TSPOAP1: variants seen among roughly 807,000 people sequenced by gnomAD.
TSPOAP1 encodes the protein peripheral-type benzodiazepine receptor-associated protein 1.
TSPOAP1 carries 87 observed loss-of-function variants against 197.0 expected under a neutral mutation model. That is an observed-to-expected ratio of 0.44 (90% CI 0.37 to 0.53). The LOEUF is 0.53. TSPOAP1 is among the 20% of genes least tolerant of loss of function. The probability of loss-of-function intolerance (pLI) is 0.00; values close to 1 mark genes in which losing one functional copy is unlikely to be tolerated. For synonymous variants in TSPOAP1, 913 were observed against 998.9 expected, an observed-to-expected ratio of 0.91 and a Z score of 1.62; for missense variants, 2,174 against 2,411.3, an observed-to-expected ratio of 0.90 and a Z score of 2.06.
rs1326899974 is a variant in TSPOAP1, at chr17:58,326,295, C to T, written c.568G>A (p.Val190Met). The change falls in exon 3 of 32, where the codon GTG (valine) becomes ATG (methionine). Residue 190 changes from valine to methionine, a missense_variant and splice_region_variant. Transcript: ENST00000343736. This position sits in a 1 kb window ranked among gnomAD's most constrained non-coding sequence, Gnocchi z 4.7. ...ARKLQETNLR[V>M]VSAPLPRPGT... ...GCCCAGCAGCCTCCTTTCCTCACCA[C>T]CCTCAGGTTCGTTTCCTGCAGCTTT... 2 of 1,614,032 alleles carry T rather than the reference C, an allele frequency of 1.2e-6. No homozygotes were observed. The highest frequency in any genetic ancestry group is 2.2e-5 in the East Asian group (1 of 44,882).
intron 14 of TSPOAP1, among the ~76,000 whole-genome samples, chr17:58,317,810 C>A (rs1393071167): frequency 6.6e-6 from 1 of 152,234 alleles, no homozygotes. Flanking sequence ...ACTCTCACAA[C>A]AACCTTAGAA....
rs776098387 is a variant in TSPOAP1, at chr17:58,304,266, G to T, written c.*32+72C>A. The T allele has an allele frequency of 3.0e-6, 4 of 1,343,220 alleles. No homozygotes were observed. Among genetic ancestry groups the T allele is most frequent in the Non-Finnish European group, 4.2e-6 (4 of 944,946 alleles). The allele number at this position is 1,343,220 out of a possible 1,614,324, so 83.2% of individuals were successfully genotyped here. On this transcript the variant is annotated intron_variant, in intron 31 of 31. Transcript: ENST00000343736. This position sits in a 1 kb window ranked among gnomAD's most constrained non-coding sequence, Gnocchi z 4.2. ...AAGCTGGGTCAGCTCCAGTATTTGA[G>T]ACAAAGGAGCACTGTCTGATTATGG...
rs767333570 is a variant in TSPOAP1, at chr17:58,310,573, G to A, written c.3638C>T (p.Ala1213Val). The change falls in exon 20 of 32, where the codon GCG becomes GTG. Residue 1213 changes from alanine to valine, a missense_variant. Physicochemically the swap from Ala to Val is moderately conservative, Grantham distance 64. Around this residue, in one of 5 missense-constraint regions of TSPOAP1, gnomAD observed 1,933 missense variants for 2,139.0 expected, o/e 0.90. Transcript: ENST00000343736. ...SSTQGARAQQ[A>V]PNTEMCQGGD... is the part of the protein sequence containing the mutation. ...TCCTTGGCACATCTCGGTATTTGGC[G>A]CCTGCTGGGCCCGTGCTCCCTGGGT... The A allele has an allele frequency of 1.3e-5, 21 of 1,613,312 alleles. No individual in the cohort carries two copies. The East Asian group carries it at 2.2e-4, about 17-fold the overall frequency.
Position 58,327,915 on chromosome 17 carries a change from C to T in TSPOAP1, c.6G>A (p.Glu2=), listed in dbSNP as rs1470416301. Residue 2 remains glutamate, a synonymous_variant, in exon 1 of 32, where the codon GAG becomes GAA. Transcript: ENST00000343736. ...CAGGCCGTGGGAGGGTTGTCAGTTG[C>T]TCCATGGTACTGCCAAGGGGCCCCA... M[E]QLTTLPRPGD... 1.3e-5 allele frequency: 20 copies of T among 1,594,776 alleles called. No homozygotes were observed. The highest frequency in any genetic ancestry group is 1.7e-5 in the Non-Finnish European group (20 of 1,166,800).
intron 5 of TSPOAP1, among the ~76,000 whole-genome samples, chr17:58,323,959 G>T (rs1268733953): frequency 6.6e-6 from 1 of 152,140 alleles, no homozygotes; most frequent in East Asian, 1.9e-4. Flanking sequence ...CCAAGATAGG[G>T]GTTCTGTATC....
rs772216489 is a variant in TSPOAP1 at position 58,316,003 on chromosome 17, A to AC, written c.2098+19dup. On this transcript the variant is annotated intron_variant, in intron 16 of 31. Transcript: ENST00000343736. The stretch of plus-strand genomic sequence containing the variant: ...CAAAGGCAGGGGAATGGACAGAATG[A>AC]CCCCCCACTACATTCCTACCTTCAA... 9 of 1,570,220 alleles carry AC rather than the reference A, an allele frequency of 5.7e-6. No homozygotes were observed. Among genetic ancestry groups the AC allele is most frequent in the African/African-American group, 1.4e-5 (1 of 73,478 alleles).
rs1333119451 is a variant in TSPOAP1, at chr17:58,306,357, G to A, written c.5209C>T (p.Arg1737Cys). 12 of 1,554,216 alleles carry A rather than the reference G, an allele frequency of 7.7e-6. No individual in the cohort carries two copies. The highest frequency in any genetic ancestry group is 7.8e-6 in the Non-Finnish European group (9 of 1,148,286). Residue 1737 changes from arginine to cysteine, a missense_variant, in exon 26 of 32, where the codon CGC (arginine) becomes TGC (cysteine). This residue lies in a region of TSPOAP1 where 161 missense variants were observed against 159.1 expected (regional missense o/e 1.01). Coordinates refer to ENST00000343736, the MANE Select transcript of TSPOAP1 (RefSeq NM_004758.4). ...AHTTGPPPKP[R>C]RSKKAESEGP... Reference sequence around the variant, plus strand: ...TCTTACCCACCTTTCTTGGAGCGGCGGGGCTTGGGAGGAGGCCCAGTTGTG... The same window carrying A: ...TCTTACCCACCTTTCTTGGAGCGGCAGGGCTTGGGAGGAGGCCCAGTTGTG...
At position 58,304,172 on chromosome 17, in the gene TSPOAP1, G is replaced by A; in HGVS notation, c.*32+166C>T. On this transcript the variant is annotated intron_variant, in intron 31 of 31. Transcript: ENST00000343736. The surrounding 1 kb of genome is among the most constrained non-coding windows in gnomAD (Gnocchi z 4.2). Reference sequence around the variant, plus strand: ...AAGGCAAGGGGAGCAGGGAGGGGGAGGGATGACTCTTCATGCAAATCTGGC... The same window carrying A: ...AAGGCAAGGGGAGCAGGGAGGGGGAAGGATGACTCTTCATGCAAATCTGGC... The A allele has an allele frequency of 1.7e-6, 1 of 594,574 alleles. No homozygotes were observed. Among genetic ancestry groups the A allele is most frequent in the South Asian group, 2.0e-5 (1 of 49,382 alleles). The allele number at this position is 594,574 out of a possible 1,614,324, so 36.8% of individuals were successfully genotyped here.
At chr17:58,319,980 G>A in intron 12 of TSPOAP1, 129 bp downstream of exon 12, 1 of 1,254,528 alleles carries the variant, frequency 8.0e-7, no homozygotes, top group Non-Finnish European at 1.2e-6. Flanking sequence ...ACCCCCTATG[G>A]ATTCTCATGC....
chr17:58,304,466 C>T lies in TSPOAP1; in HGVS notation c.5545-67G>A. 7.1e-7 allele frequency: 1 copy of T among 1,401,266 alleles called. No homozygotes were observed. Among genetic ancestry groups the T allele is most frequent in the South Asian group, 1.2e-5 (1 of 86,698 alleles). 86.8% of individuals were successfully genotyped at this position (1,401,266 alleles called of 1,614,324 possible). A position where few individuals can be genotyped will look rare whatever the true frequency, so the allele number is the denominator to read the frequency against. On this transcript the variant is annotated intron_variant, in intron 30 of 31. Transcript: ENST00000343736. The surrounding 1 kb of genome is among the most constrained non-coding windows in gnomAD (Gnocchi z 4.2). The stretch of plus-strand genomic sequence containing the variant: ...ACCCGCACCTTCTCCGCCCGGCCAC[C>T]AGGTGGCCCTGCGCAGGGGTGGGCC...
At position 58,324,770 on chromosome 17, in the gene TSPOAP1, T is replaced by C; in HGVS notation, c.942+41A>G. On this transcript the variant is annotated intron_variant, in intron 5 of 31. Transcript: ENST00000343736. The surrounding 1 kb of genome is among the most constrained non-coding windows in gnomAD (Gnocchi z 5.8). ...TCCCGGTGGTCGTTCCCCCCACCCA[T>C]CTGCACGCACCCACACACCTGCCCT... 7.4e-7 allele frequency: 1 copy of C among 1,360,038 alleles called. No individual in the cohort carries two copies. Among genetic ancestry groups the C allele is most frequent in the Non-Finnish European group, 9.5e-7 (1 of 1,051,768 alleles). The allele number at this position is 1,360,038 out of a possible 1,614,324, so 84.2% of individuals were successfully genotyped here.
Position 58,308,561 on chromosome 17 carries a change from C to A in TSPOAP1, c.4711G>T (p.Ala1571Ser). Residue 1571 changes from alanine to serine, a missense_variant, in exon 22 of 32, where the codon GCC becomes TCC. By Grantham distance (99) the Ala-to-Ser change is moderately conservative. Around this residue, in one of 5 missense-constraint regions of TSPOAP1, gnomAD observed 1,933 missense variants for 2,139.0 expected, o/e 0.90. Transcript: ENST00000343736. Reference sequence around the variant, plus strand: ...CGGACCCGGGAGAGTGGCTCCTTGGCTCTGCCCGTCGCACTGCGGCCTCTC... The same window carrying A: ...CGGACCCGGGAGAGTGGCTCCTTGGATCTGCCCGTCGCACTGCGGCCTCTC... ...ERRGRSATGR[A>S]KEPLSRATET... The A allele has an allele frequency of 6.5e-7, 1 of 1,543,198 alleles. No individual in the cohort carries two copies. Among genetic ancestry groups the A allele is most frequent in the South Asian group, 1.2e-5 (1 of 80,272 alleles).
At position 58,306,898 on chromosome 17, in the gene TSPOAP1, C is replaced by A. The variant is rs1307493237; in HGVS notation, c.5054G>T (p.Cys1685Phe). The A allele has an allele frequency of 6.2e-7, 1 of 1,613,594 alleles. No individual in the cohort carries two copies. The highest frequency in any genetic ancestry group is 1.7e-5 in the Admixed American group (1 of 60,012). ...CACAGCCACCTCAGCCACCATGTTG[C>A]AGGGAATGTAGCCTGTCCGGCCCCC... ...EGGGRTGYIP[C>F]NMVAEVAVDS... Residue 1685 changes from cysteine (C) to phenylalanine (F), a missense_variant, in exon 25 of 32, where the codon TGC (cysteine) becomes TTC (phenylalanine). This residue lies in a region of TSPOAP1 where 161 missense variants were observed against 159.1 expected (regional missense o/e 1.01). Transcript: ENST00000343736.
At position 58,305,600 on chromosome 17, in the gene TSPOAP1, G is replaced by A; in HGVS notation, c.5301C>T (p.His1767=). The A allele has an allele frequency of 1.3e-6, 2 of 1,566,068 alleles. No homozygotes were observed. Among genetic ancestry groups the A allele is most frequent in the Non-Finnish European group, 1.7e-6 (2 of 1,157,036 alleles). ...TGTAGTCAAATGCAGCCACCATGGA[G>A]TGGGGAGCTTTCAGGTCAGCAGAGG... is the stretch of plus-strand genomic sequence containing the variant. ...LVPSADLKAP[H]SMVAAFDYNP... Residue 1767 remains histidine (H), a synonymous_variant, in exon 28 of 32, where the codon CAC becomes CAT. Coordinates refer to ENST00000343736, the MANE Select transcript of TSPOAP1 (RefSeq NM_004758.4).
intron 16 of TSPOAP1, 134 bp from the exon 17 acceptor site, chr17:58,312,856 T>A: frequency 1.5e-6 from 1 of 677,696 alleles, no homozygotes; most frequent in Non-Finnish European, 2.4e-6. Flanking sequence ...AACATTTAAC[T>A]GTCAATTCTT....
intron 27 of TSPOAP1, 56 bp downstream of exon 27, chr17:58,305,777 G>A: frequency 6.2e-7 from 1 of 1,605,492 alleles, no homozygotes; most frequent in Non-Finnish European, 8.5e-7. Context: ...GAGGCCAGAG[G>A]GGCCACCCAC....
chr17:58,324,334 C>A lies in TSPOAP1; in HGVS notation c.942+477G>T, dbSNP rs888517632. 6.6e-6 allele frequency among the ~76,000 whole-genome samples: 1 copy of A among 152,170 alleles called. No individual in the cohort carries two copies. The highest frequency in any genetic ancestry group is 2.4e-5 in the African/African-American group (1 of 41,458). On this transcript the variant is annotated intron_variant, in intron 5 of 31. Transcript: ENST00000343736. The surrounding 1 kb of genome is among the most constrained non-coding windows in gnomAD (Gnocchi z 5.8). ...CCCTCGAGACAGGGGCTGCCTAAGC[C>A]CCCCGCTCAGTGAGGGTTGCCTGTA...
At chr17:58,316,668 C>T in intron 14 of TSPOAP1, 128 bp from the exon 15 acceptor site, 1 of 669,486 alleles carries the variant, frequency 1.5e-6, no homozygotes, top group Non-Finnish European at 2.5e-6. Context: ...ACATGCTGCA[C>T]AGGAGCAGTG....
rs766543479 is a variant in TSPOAP1, at chr17:58,307,985, C to T, written c.4732-44G>A. On this transcript the variant is annotated intron_variant, in intron 22 of 31. Coordinates refer to ENST00000343736, the MANE Select transcript of TSPOAP1 (RefSeq NM_004758.4). ...AGATGGCAAAAGTAACACACCATCC[C>T]TCTGGTGGGCTCGTGCTCCCCCAGC... is the stretch of plus-strand genomic sequence containing the variant. 1.9e-6 allele frequency: 3 copies of T among 1,539,080 alleles called. No individual in the cohort carries two copies. In the South Asian group the frequency reaches 3.5e-5, roughly 18 times the overall value.
Sources: gnomAD v4.1 joint callset for allele counts (sites outside exome capture counted in the v4.1 genomes callset) on GRCh38, gnomAD v4.1.1 for gene constraint, gnomAD v4.1.1 regional missense constraint, Gnocchi (gnomAD v3.1) non-coding constraint, MANE v1.5 for transcripts, NCBI Gene and HGNC (gene_info 2026-07-23, HGNC 2026-07-21) for gene names.